Variants in PPM1L observed in about 807,000 individuals in gnomAD.
The protein encoded by PPM1L is protein phosphatase 1L.
Under a neutral mutation model 31.4 loss-of-function variants are expected in PPM1L, and 13 were observed. That is an observed-to-expected ratio of 0.41 (90% CI 0.27 to 0.66). The LOEUF is 0.66. Ranked by LOEUF, PPM1L falls within the 30% of genes least tolerant of loss-of-function variation. The probability of loss-of-function intolerance (pLI) is 0.29; values close to 1 mark genes in which losing one functional copy is unlikely to be tolerated. For synonymous variants in PPM1L, 184 were observed against 175.4 expected, an observed-to-expected ratio of 1.05 and a Z score of -0.39; for missense variants, 326 against 453.7, an observed-to-expected ratio of 0.72 and a Z score of 2.56.
rs190335698 is a variant in PPM1L, at chr3:160,839,867, G to A, written c.399+83160G>A. 1.4e-4 allele frequency among the ~76,000 whole-genome samples: 22 copies of A among 152,234 alleles called. No homozygotes were observed. The East Asian group carries it at 3.1e-3, about 21-fold the overall frequency. ...TAATGAATGAAATTTTGGGAGCCCC[G>A]TTGGAAAGCCTTTCCCTAGGTGACA... On this transcript the variant is annotated intron_variant, in intron 1 of 3. Transcript: ENST00000498165.
intron 1 of PPM1L, among the ~76,000 whole-genome samples, chr3:160,782,036 G>A (rs186981459): frequency 2.3e-3 from 346 of 152,200 alleles, no homozygotes; most frequent in African/African-American, 8.1e-3. Flanking sequence ...CCACTTTAAA[G>A]TGTATGACTC....
chr3:160,889,781 G>A (rs1278906111), intron 1 of PPM1L, among the ~76,000 whole-genome samples: 1 of 152,184 alleles, frequency 6.6e-6, no homozygotes, highest in Non-Finnish European at 1.5e-5. Context: ...GAGTTCAGTA[G>A]CATATCAAAA....
intron 1 of PPM1L, among the ~76,000 whole-genome samples, chr3:160,786,185 G>GTATATATATA (rs1576636916): frequency 4.8e-5 from 3 of 62,558 alleles, no homozygotes; most frequent in East Asian, 6.4e-4. Context: ...GTGTGTGTGT[G>GTATATATATA]TGTATATATA....
chr3:160,784,290 C>CTGTT (rs1711836704), intron 1 of PPM1L, among the ~76,000 whole-genome samples: 1 of 152,122 alleles, frequency 6.6e-6, no homozygotes, highest in Non-Finnish European at 1.5e-5. Flanking sequence ...ATCTACCATA[C>CTGTT]TGTTTCATTC....
chr3:160,996,195 T>A (rs1390703111), intron 2 of PPM1L, among the ~76,000 whole-genome samples: 1 of 152,182 alleles, frequency 6.6e-6, no homozygotes, highest in Non-Finnish European at 1.5e-5. Flanking sequence ...CTGGTGGGAA[T>A]GTAAACTAGT....
At chr3:161,022,282 C>T (rs1443351039) in intron 2 of PPM1L, 1 of 538,468 alleles carries the variant, frequency 1.9e-6, no homozygotes, top group African/African-American at 2.0e-5. Flanking sequence ...CTATTCCCTC[C>T]CCATTCTCTG....
At chr3:160,884,611 T>C (rs143880004) in intron 1 of PPM1L, among the ~76,000 whole-genome samples, 27 of 152,290 alleles carry the variant, frequency 1.8e-4, no homozygotes, top group African/African-American at 6.5e-4. Flanking sequence ...AACCTTGTAC[T>C]TGAGTAGAAT....
At chr3:160,808,572 C>T (rs1712713080) in intron 1 of PPM1L, among the ~76,000 whole-genome samples, 1 of 152,130 alleles carries the variant, frequency 6.6e-6, no homozygotes, top group Admixed American at 6.5e-5. Context: ...CATTTTCAGA[C>T]TGGGAGCAGT....
At chr3:160,968,661 A>T (rs1376756425) in intron 2 of PPM1L, among the ~76,000 whole-genome samples, 1 of 152,096 alleles carries the variant, frequency 6.6e-6, no homozygotes, top group Non-Finnish European at 1.5e-5. Context: ...TGTTTGAGGG[A>T]ATTATGAGGA....
intron 1 of PPM1L, among the ~76,000 whole-genome samples, chr3:160,960,281 A>G (rs1203273620): frequency 6.6e-6 from 1 of 152,172 alleles, no homozygotes; most frequent in Non-Finnish European, 1.5e-5. Context: ...TGATGTTTCA[A>G]TACATGTATA....
chr3:160,931,644 A>G (rs1241559443), intron 1 of PPM1L, among the ~76,000 whole-genome samples: 1 of 152,248 alleles, frequency 6.6e-6, no homozygotes, highest in Non-Finnish European at 1.5e-5. Context: ...GGCAGAGGAT[A>G]CATAAAGGGT....
chr3:160,820,416 G>A (rs1039979083), intron 1 of PPM1L, among the ~76,000 whole-genome samples: 1 of 152,012 alleles, frequency 6.6e-6, no homozygotes, highest in African/African-American at 2.4e-5. Flanking sequence ...AATTTAATGT[G>A]CTAGAACCCC....
At chr3:160,910,313 C>G (rs1425521451) in intron 1 of PPM1L, among the ~76,000 whole-genome samples, 1 of 142,854 alleles carries the variant, frequency 7.0e-6, no homozygotes, top group East Asian at 2.1e-4. Flanking sequence ...TCCCCTTCCC[C>G]TCCCCTCCCC....
chr3:160,814,499 A>ACG (rs1712906225), intron 1 of PPM1L, among the ~76,000 whole-genome samples: 1 of 128,258 alleles, frequency 7.8e-6, no homozygotes. Context: ...ACACACACAT[A>ACG]TATGTATGTG....
At chr3:161,041,237 C>G (rs538525448) in intron 2 of PPM1L, among the ~76,000 whole-genome samples, 7 of 152,332 alleles carry the variant, frequency 4.6e-5, no homozygotes, top group Admixed American at 3.3e-4. Context: ...CTGGAGATGC[C>G]TCCCCCCACT....
intron 1 of PPM1L, among the ~76,000 whole-genome samples, chr3:160,813,553 T>G (rs1009800266): frequency 6.6e-5 from 10 of 152,156 alleles, no homozygotes; most frequent in African/African-American, 1.7e-4. Flanking sequence ...TTGGCCAGGT[T>G]GGTCTCAAAC....
chr3:160,902,136 A>T (rs2108054466), intron 1 of PPM1L, among the ~76,000 whole-genome samples: 1 of 152,252 alleles, frequency 6.6e-6, no homozygotes, highest in Non-Finnish European at 1.5e-5. Context: ...ATCCATTTGA[A>T]AAATTAAGCA....
intron 1 of PPM1L, among the ~76,000 whole-genome samples, chr3:160,764,262 G>C (rs1236736474): frequency 1.3e-5 from 2 of 152,216 alleles, no homozygotes; most frequent in East Asian, 3.9e-4. Flanking sequence ...CTCATGAATA[G>C]CTGGGACTAT....
At chr3:160,864,808 C>A (rs549154109) in intron 1 of PPM1L, among the ~76,000 whole-genome samples, 2 of 152,242 alleles carry the variant, frequency 1.3e-5, no homozygotes, top group Non-Finnish European at 2.9e-5. Flanking sequence ...GCTTTATTTT[C>A]AACAGTAAAT....
Sources: gnomAD v4.1 joint callset for allele counts (sites outside exome capture counted in the v4.1 genomes callset) on GRCh38, gnomAD v4.1.1 for gene constraint, MANE v1.5 for transcripts, NCBI Gene and HGNC (gene_info 2026-07-23, HGNC 2026-07-21) for gene names.